Variants in EVPLL observed in about 807,000 individuals in gnomAD.
EVPLL encodes envoplakin like.
EVPLL carries 39 observed loss-of-function variants against 46.2 expected under a neutral mutation model. The ratio of observed to expected loss-of-function variants is 0.84; its 90% CI spans 0.65 to 1.10. The LOEUF is 1.10. Among genes scored for constraint, EVPLL ranks in the 50% least tolerant of loss-of-function variants. The pLI is 0.00. For synonymous variants in EVPLL, 156 were observed against 165.8 expected, an observed-to-expected ratio of 0.94 and a Z score of 0.46; for missense variants, 385 against 412.6, an observed-to-expected ratio of 0.93 and a Z score of 0.58.
At chr17:18,383,000 T>A (rs764263324) in intron 6 of EVPLL, 25 bp from the exon 7 acceptor site, 4 of 1,559,650 alleles carry the variant, frequency 2.6e-6, no homozygotes, top group Non-Finnish European at 3.5e-6. Flanking sequence ...CCCACCCTGC[T>A]GCTGGCGGCG....
At chr17:18,385,610 G>A (rs1987741470) in intron 9 of EVPLL, among the ~76,000 whole-genome samples, 1 of 149,060 alleles carries the variant, frequency 6.7e-6, no homozygotes, top group Admixed American at 6.7e-5. Flanking sequence ...AGGCATGTGT[G>A]TGTGCATGTG....
chr17:18,378,014 GA>G, intron 1 of EVPLL, 31 bp downstream of exon 1: 1 of 672,096 alleles, frequency 1.5e-6, no homozygotes, highest in Non-Finnish European at 2.3e-6. Context: ...GGGAGCCAGG[GA>G]GCTAGGGTGG....
At chr17:18,387,173 A>G (rs1330797625) in intron 9 of EVPLL, among the ~76,000 whole-genome samples, 2 of 150,494 alleles carry the variant, frequency 1.3e-5, no homozygotes, top group Non-Finnish European at 3.0e-5. Context: ...TGCTGGGATT[A>G]CAGGTGTGAG....
chr17:18,383,130 A>G lies in EVPLL; in HGVS notation c.617A>G (p.Gln206Arg), dbSNP rs1987646676. 3.9e-6 allele frequency: 6 copies of G among 1,551,012 alleles called. No homozygotes were observed. The highest frequency in any genetic ancestry group is 1.7e-6 in the Non-Finnish European group (2 of 1,154,368). Residue 206 changes from glutamine to arginine, a missense_variant, in exon 7 of 11, where the codon CAG becomes CGG. By Grantham distance (43) the Gln-to-Arg change is conservative (BLOSUM62 1). Coordinates refer to ENST00000399134, the MANE Select transcript of EVPLL (RefSeq NM_001145127.2). ...GCGGAGCAGCAGCGCCGCATCCTGC[A>G]GCAGGACTGGAGCGACCTCATGGCC... is the stretch of plus-strand genomic sequence containing the variant. ...ALAEQQRRIL[Q>R]QDWSDLMADP...
In EVPLL at chr17:18,381,722, C is replaced by G; in HGVS notation, c.338C>G (p.Ala113Gly). The change falls in exon 4 of 11, where the codon GCA (alanine) becomes GGA (glycine). Residue 113 changes from alanine to glycine, a missense_variant. Physicochemically the swap from Ala to Gly is moderately conservative, Grantham distance 60. Coordinates refer to ENST00000399134, the MANE Select transcript of EVPLL (RefSeq NM_001145127.2). The surrounding 1 kb of genome is among the most constrained non-coding windows in gnomAD (Gnocchi z 4.2). Reference protein sequence around the residue: ...IQGRLGTRAGAETEAGLRRPV... With the variant: ...IQGRLGTRAGGETEAGLRRPV... The stretch of plus-strand genomic sequence containing the variant: ...GGTCGACTGGGCACACGTGCTGGAG[C>G]AGAAACAGGTCAGGAGCTCAAAGTC... 6.2e-7 allele frequency: 1 copy of G among 1,614,164 alleles called. No individual in the cohort carries two copies. Among genetic ancestry groups the G allele is most frequent in the South Asian group, 1.1e-5 (1 of 91,084 alleles).
Position 18,381,067 on chromosome 17 carries a change from C to A in EVPLL, c.63+67C>A. On this transcript the variant is annotated intron_variant, in intron 2 of 10. Transcript: ENST00000399134. The surrounding 1 kb of genome is among the most constrained non-coding windows in gnomAD (Gnocchi z 4.2). Reference sequence around the variant, plus strand: ...GTGGCATGGGAGGCCCATCATCAGGCCTGGCACTCCCTGAGTGCCCCCTGG... The same window carrying A: ...GTGGCATGGGAGGCCCATCATCAGGACTGGCACTCCCTGAGTGCCCCCTGG... 3 of 1,523,420 alleles carry A rather than the reference C, an allele frequency of 2.0e-6. No homozygotes were observed. In the Admixed American group the frequency reaches 5.9e-5, roughly 30 times the overall value. 94.4% of individuals were successfully genotyped at this position (1,523,420 alleles called of 1,614,324 possible).
In EVPLL at chr17:18,380,898, C is replaced by T; in HGVS notation, c.-36-4C>T. 1 of 1,565,046 alleles carries T rather than the reference C, an allele frequency of 6.4e-7. No individual in the cohort carries two copies. Among genetic ancestry groups the T allele is most frequent in the Non-Finnish European group, 8.7e-7 (1 of 1,155,558 alleles). ...GCTGCCCACTGTCCCCTCCACCCAC[C>T]AAGAATGCCACCCAGGAGCTGACCC... On this transcript the variant is annotated splice_polypyrimidine_tract_variant and splice_region_variant and intron_variant, in intron 1 of 10. Transcript: ENST00000399134.
chr17:18,379,731 G>C (rs1308779041), intron 1 of EVPLL: 1 of 152,274 alleles, frequency 6.6e-6, no homozygotes, highest in Non-Finnish European at 1.5e-5. Context: ...GAACCAACAG[G>C]CCCCTGCCTT....
At chr17:18,384,454 G>T (rs1217066803) in intron 9 of EVPLL, among the ~76,000 whole-genome samples, 1 of 151,316 alleles carries the variant, frequency 6.6e-6, no homozygotes, top group African/African-American at 2.4e-5. Flanking sequence ...AAAAATCCTG[G>T]TGCAATACCT....
rs765419113 is a variant in EVPLL, at chr17:18,380,933, C to A, written c.-5C>A. Reference sequence around the variant, plus strand: ...ACCCAGGAGCTGACCCTGCTCATCTCCCACATGCAAGCCAGCGCCGACCAG... The same window carrying A: ...ACCCAGGAGCTGACCCTGCTCATCTACCACATGCAAGCCAGCGCCGACCAG... On this transcript the variant is annotated 5_prime_UTR_variant, in exon 2 of 11. Coordinates refer to ENST00000399134, the MANE Select transcript of EVPLL (RefSeq NM_001145127.2). 2.5e-6 allele frequency: 4 copies of A among 1,588,448 alleles called. No individual in the cohort carries two copies. In the Admixed American group the frequency reaches 7.1e-5, roughly 28 times the overall value.
intron 1 of EVPLL, chr17:18,380,563 A>C: frequency 4.6e-6 from 1 of 215,758 alleles, no homozygotes; most frequent in Non-Finnish European, 9.4e-6. Flanking sequence ...TGGCTCAGGT[A>C]CTACCGGCTC....
chr17:18,381,203 C>A lies in EVPLL; in HGVS notation c.64-164C>A. ...TTGCTGGGCTCCCCTGTGTCTTTGTCACCTGCCTCATGGACGCCCTGGGCC... is the reference window on the plus strand; with the variant it reads ...TTGCTGGGCTCCCCTGTGTCTTTGTAACCTGCCTCATGGACGCCCTGGGCC... On this transcript the variant is annotated intron_variant, in intron 2 of 10. Transcript: ENST00000399134. The surrounding 1 kb of genome is among the most constrained non-coding windows in gnomAD (Gnocchi z 4.2). 7.8e-7 allele frequency: 1 copy of A among 1,289,444 alleles called. No individual in the cohort carries two copies. Among genetic ancestry groups the A allele is most frequent in the Non-Finnish European group, 1.0e-6 (1 of 953,458 alleles). The allele number at this position is 1,289,444 out of a possible 1,614,324, so 79.9% of individuals were successfully genotyped here. A position where few individuals can be genotyped will look rare whatever the true frequency, so the allele number is the denominator to read the frequency against.
rs1490445477 is a variant in EVPLL, at chr17:18,389,167, G to C, written c.*351G>C. 7.5e-5 allele frequency: 11 copies of C among 147,092 alleles called. No homozygotes were observed. Among genetic ancestry groups the C allele is most frequent in the African/African-American group, 2.5e-4 (10 of 39,264 alleles). The allele number at this position is 147,092 out of a possible 1,614,324, so 9.1% of individuals were successfully genotyped here. On this transcript the variant is annotated 3_prime_UTR_variant, in exon 11 of 11. Coordinates refer to ENST00000399134, the MANE Select transcript of EVPLL (RefSeq NM_001145127.2). ...CTGCCCCTAGTCCTGGGCATGGAGC[G>C]AGCCTTGGTGTCAGAGACCAGGGTG...
chr17:18,381,752 C>G lies in EVPLL; in HGVS notation c.346+22C>G. The G allele has an allele frequency of 6.2e-7, 1 of 1,614,022 alleles. No homozygotes were observed. Among genetic ancestry groups the G allele is most frequent in the Non-Finnish European group, 8.5e-7 (1 of 1,179,988 alleles). On this transcript the variant is annotated intron_variant, in intron 4 of 10. Transcript: ENST00000399134. This position sits in a 1 kb window ranked among gnomAD's most constrained non-coding sequence, Gnocchi z 4.2. ...ACAGGTCAGGAGCTCAAAGTCACAC[C>G]CCAGTGTGATCAGAGGGTGATACGG...
chr17:18,382,825 G>A lies in EVPLL; in HGVS notation c.473-1G>A, dbSNP rs1414951688. 6.2e-7 allele frequency: 1 copy of A among 1,613,288 alleles called. No homozygotes were observed. Among genetic ancestry groups the A allele is most frequent in the Non-Finnish European group, 8.5e-7 (1 of 1,179,700 alleles). On this transcript the variant is annotated splice_acceptor_variant, in intron 5 of 10. Coordinates refer to ENST00000399134, the MANE Select transcript of EVPLL (RefSeq NM_001145127.2). LOFTEE classifies it high-confidence loss of function. Reference sequence around the variant, plus strand: ...CTTGTTTCTCCCCTTGGTCAAGGCAGGATGCCGCCACCATCCGGAGCCAAT... The same window carrying A: ...CTTGTTTCTCCCCTTGGTCAAGGCAAGATGCCGCCACCATCCGGAGCCAAT...
Position 18,381,221 on chromosome 17 carries a change from C to A in EVPLL, c.64-146C>A. On this transcript the variant is annotated intron_variant, in intron 2 of 10. Transcript: ENST00000399134. This position sits in a 1 kb window ranked among gnomAD's most constrained non-coding sequence, Gnocchi z 4.2. ...TCTTTGTCACCTGCCTCATGGACGC[C>A]CTGGGCCTGACCCTGTGCCTGGCGT... is the stretch of plus-strand genomic sequence containing the variant. 7.3e-7 allele frequency: 1 copy of A among 1,368,508 alleles called. No homozygotes were observed. 84.8% of individuals were successfully genotyped at this position (1,368,508 alleles called of 1,614,324 possible).
rs771385973 is a variant in EVPLL, at chr17:18,381,606, C to T, written c.222C>T (p.Ile74=). ...CTGCTGGCCACCTTCTTGACAGCAT[C>T]GAGCAGCTGCACGAGCGGGTGACCC... ...HPQAEETEKD[I]EQLHERVTQE... is the part of the protein sequence containing the mutation. Residue 74 remains isoleucine, a synonymous_variant, in exon 4 of 11, where the codon ATC becomes ATT. Transcript: ENST00000399134. The surrounding 1 kb of genome is among the most constrained non-coding windows in gnomAD (Gnocchi z 4.2). 6.4e-5 allele frequency: 104 copies of T among 1,613,958 alleles called. No homozygotes were observed. The Admixed American group carries it at 1.1e-3, about 18-fold the overall frequency.
At chr17:18,383,790 TG>T in intron 9 of EVPLL, 2 of 571,842 alleles carry the variant, frequency 3.5e-6, no homozygotes, top group Non-Finnish European at 6.2e-6. Flanking sequence ...CTGGCCAACA[TG>T]GTGAAACCCT....
Position 18,382,571 on chromosome 17 carries a change from C to A in EVPLL, c.405C>A (p.Arg135=). 1 of 1,551,800 alleles carries A rather than the reference C, an allele frequency of 6.4e-7. No individual in the cohort carries two copies. The highest frequency in any genetic ancestry group is 8.7e-7 in the Non-Finnish European group (1 of 1,147,032). Residue 135 remains arginine (R), a synonymous_variant, in exon 5 of 11, where the codon CGC becomes CGA. Coordinates refer to ENST00000399134, the MANE Select transcript of EVPLL (RefSeq NM_001145127.2). ...ATGGCGGAGCTGGAGGAACAGATCG[C>A]GGAGCTCAACATCGTGCAGAAGGAG... ...AGHGGAGGTD[R]GAQHRAEGDQ...
Sources: allele counts gnomAD v4.1 joint callset (sites outside exome capture counted in the v4.1 genomes callset), GRCh38; gene constraint gnomAD v4.1.1; non-coding constraint Gnocchi (gnomAD v3.1); transcripts MANE v1.5; gene names NCBI Gene and HGNC (gene_info 2026-07-23, HGNC 2026-07-21).